NRP1: variants seen among roughly 807,000 people sequenced by gnomAD.
The protein encoded by NRP1 is neuropilin 1.
In NRP1, 35 loss-of-function variants were observed where a neutral mutation model predicts 106.7. The observed-to-expected ratio is 0.33, with a 90% CI of 0.25 to 0.43. The LOEUF (loss-of-function observed/expected upper bound fraction) is 0.43, where lower values mean the gene tolerates loss of function less well. NRP1 is among the 20% of genes least tolerant of loss of function. The pLI is 1.00. For missense variants in NRP1, 1,024 were observed against 1,170.4 expected (o/e 0.87, Z 1.83); for synonymous variants, 437 against 417.9 (o/e 1.05, Z -0.56).
chr10:33,289,647 C>T (rs1024415535), intron 2 of NRP1, among the ~76,000 whole-genome samples: 1 of 152,152 alleles, frequency 6.6e-6, no homozygotes, highest in African/African-American at 2.4e-5. Flanking sequence ...CTGACATTAG[C>T]GTGTGTTAGA....
chr10:33,319,878 G>A (rs1847352958), intron 2 of NRP1, among the ~76,000 whole-genome samples: 2 of 151,160 alleles, frequency 1.3e-5, no homozygotes, highest in African/African-American at 2.4e-5. Context: ...GAGCCACCGC[G>A]CCCGGCCTGG....
In NRP1 at chr10:33,178,061, T is replaced by C. The variant is rs1478414981; in HGVS notation, c.*2015A>G. 6.6e-6 allele frequency: 1 copy of C among 152,638 alleles called. No homozygotes were observed. 9.5% of individuals were successfully genotyped at this position (152,638 alleles called of 1,614,324 possible). A position where few individuals can be genotyped will look rare whatever the true frequency, so the allele number is the denominator to read the frequency against. ...TAGTGCTTTCCTTCTGGTAGGATTATATCAACTAAATGAATGTCTCTGGGG... is the reference window on the plus strand; with the variant it reads ...TAGTGCTTTCCTTCTGGTAGGATTACATCAACTAAATGAATGTCTCTGGGG... On this transcript the variant is annotated 3_prime_UTR_variant, in exon 17 of 17. Coordinates refer to ENST00000374867, the MANE Select transcript of NRP1 (RefSeq NM_003873.7).
chr10:33,209,533 G>A (rs1046398607), intron 9 of NRP1, among the ~76,000 whole-genome samples: 2 of 152,184 alleles, frequency 1.3e-5, no homozygotes, highest in African/African-American at 4.8e-5. Flanking sequence ...CTGGAGTGCA[G>A]TGGTGCGATC....
At chr10:33,246,962 A>C (rs1239845641) in intron 6 of NRP1, among the ~76,000 whole-genome samples, 1 of 152,184 alleles carries the variant, frequency 6.6e-6, no homozygotes, top group African/African-American at 2.4e-5. Flanking sequence ...TGGTGAAAAA[A>C]ATCAAAAATG....
chr10:33,308,476 A>G (rs11596600), intron 2 of NRP1, among the ~76,000 whole-genome samples: 3,527 of 151,862 alleles, frequency 0.023, 83 homozygotes, highest in Non-Finnish European at 0.032. Flanking sequence ...AGCTGTCTAT[A>G]GAAAATAATC....
At chr10:33,264,296 G>T (rs1415414277) in intron 3 of NRP1, among the ~76,000 whole-genome samples, 1 of 152,244 alleles carries the variant, frequency 6.6e-6, no homozygotes, top group African/African-American at 2.4e-5. Flanking sequence ...AGAGAATTCA[G>T]TGGAGGCAGT....
intron 2 of NRP1, among the ~76,000 whole-genome samples, chr10:33,278,261 C>A (rs10827229): frequency 0.49 from 74,589 of 151,898 alleles, 18,508 homozygotes; most frequent in South Asian, 0.56. Context: ...CCAATCTTAT[C>A]ACCCAAACTC....
chr10:33,249,148 T>C (rs907785933), intron 6 of NRP1, among the ~76,000 whole-genome samples: 13 of 150,186 alleles, frequency 8.7e-5, no homozygotes, highest in Non-Finnish European at 1.5e-4. Context: ...CACAGTTATT[T>C]TGAGGAAAGC....
At position 33,270,794 on chromosome 10, in the gene NRP1, C is replaced by T. The variant is rs1843255761; in HGVS notation, c.311G>A (p.Cys104Tyr). Residue 104 changes from cysteine (C) to tyrosine (Y), a missense_variant, in exon 3 of 17, where the codon TGT becomes TAT. Physicochemically the swap from Cys to Tyr is radical, Grantham distance 194 (BLOSUM62 -2). Transcript: ENST00000374867. ...AACAGGAGGAGGGGCTATCTTTCCACAGAACTTTCCCCTAAAATGTCCATT... is the reference window on the plus strand; with the variant it reads ...AACAGGAGGAGGGGCTATCTTTCCATAGAACTTTCCCCTAAAATGTCCATT... ...NENGHFRGKFCGKIAPPPVVS... is the reference protein window; with the variant it reads ...NENGHFRGKFYGKIAPPPVVS... The T allele has an allele frequency of 6.2e-7, 1 of 1,613,954 alleles. No individual in the cohort carries two copies. The highest frequency in any genetic ancestry group is 8.5e-7 in the Non-Finnish European group (1 of 1,179,934).
intron 10 of NRP1, among the ~76,000 whole-genome samples, chr10:33,203,959 C>G (rs1394657541): frequency 1.3e-5 from 2 of 150,044 alleles, no homozygotes; most frequent in Non-Finnish European, 3.0e-5. Flanking sequence ...CCAGGATGGT[C>G]TCGATCTCCT....
In NRP1 at chr10:33,192,298, G is replaced by T. The variant is rs1246960150; in HGVS notation, c.2045C>A (p.Pro682His). The change falls in exon 13 of 17, where the codon CCC (proline) becomes CAC (histidine). Residue 682 changes from proline (P) to histidine (H), a missense_variant. This residue lies in a region of NRP1 where 562 missense variants were observed against 620.3 expected (regional missense o/e 0.91). Transcript: ENST00000374867. ...KWSVLTSKTGPIQDHTGDGNF... is the reference protein window; with the variant it reads ...KWSVLTSKTGHIQDHTGDGNF... ...TGTGATACCTGTGTGATCCTGAATGGGTCCCGTCTTGCTGGTCAACACACT... is the reference window on the plus strand; with the variant it reads ...TGTGATACCTGTGTGATCCTGAATGTGTCCCGTCTTGCTGGTCAACACACT... 1 of 1,613,494 alleles carries T rather than the reference G, an allele frequency of 6.2e-7. No individual in the cohort carries two copies. Among genetic ancestry groups the T allele is most frequent in the Non-Finnish European group, 8.5e-7 (1 of 1,179,772 alleles).
At chr10:33,272,869 C>A (rs548304807) in intron 2 of NRP1, among the ~76,000 whole-genome samples, 1 of 152,122 alleles carries the variant, frequency 6.6e-6, no homozygotes, top group African/African-American at 2.4e-5. Flanking sequence ...ACGTTGCCTT[C>A]CAAGCACAAA....
chr10:33,202,858 G>C, intron 11 of NRP1, 33 bp downstream of exon 11: 1 of 1,614,194 alleles, frequency 6.2e-7, no homozygotes, highest in Non-Finnish European at 8.5e-7. Context: ...GAACTGAAAT[G>C]GTACAGCAAT....
intron 9 of NRP1, among the ~76,000 whole-genome samples, chr10:33,209,633 T>C (rs953299737): frequency 3.3e-5 from 5 of 152,138 alleles, no homozygotes; most frequent in Non-Finnish European, 5.9e-5. Flanking sequence ...CCCACCAACA[T>C]GCCTGGCTGA....
chr10:33,210,129 A>G (rs1366917600), intron 9 of NRP1, among the ~76,000 whole-genome samples: 1 of 152,234 alleles, frequency 6.6e-6, no homozygotes, highest in Non-Finnish European at 1.5e-5. Context: ...CCAACTCAGA[A>G]AAGCCTCTAG....
chr10:33,188,911 AT>A (rs1393296098), intron 13 of NRP1, among the ~76,000 whole-genome samples: 1 of 36,436 alleles, frequency 2.7e-5, no homozygotes, highest in African/African-American at 2.0e-4. Context: ...CCTGTCTTAA[AT>A]ATATATATAT....
chr10:33,313,960 C>T (rs1280774620), intron 2 of NRP1, among the ~76,000 whole-genome samples: 1 of 151,754 alleles, frequency 6.6e-6, no homozygotes, highest in African/African-American at 2.4e-5. Flanking sequence ...TTCCTTCCCT[C>T]CCTCTCTCCC....
At chr10:33,328,636 CGCCCACCA>C (rs1228391995) in intron 2 of NRP1, among the ~76,000 whole-genome samples, 1 of 152,122 alleles carries the variant, frequency 6.6e-6, no homozygotes, top group East Asian at 1.9e-4. Flanking sequence ...CTGGATCTGG[CGCCCACCA>C]GCTCATAAGA....
At chr10:33,298,361 T>C (rs1208194210) in intron 2 of NRP1, among the ~76,000 whole-genome samples, 1 of 152,172 alleles carries the variant, frequency 6.6e-6, no homozygotes, top group Non-Finnish European at 1.5e-5. Flanking sequence ...CCTCCTGTTC[T>C]GGCGCTGGGC....
Sources: allele counts gnomAD v4.1 joint callset (sites outside exome capture counted in the v4.1 genomes callset), GRCh38; gene constraint gnomAD v4.1.1; regional missense constraint gnomAD v4.1.1; transcripts MANE v1.5; gene names NCBI Gene and HGNC (gene_info 2026-07-23, HGNC 2026-07-21).